FLT1: variants seen among roughly 807,000 people sequenced by gnomAD.
FLT1 encodes the protein fms related receptor tyrosine kinase 1, also known as vascular endothelial growth factor receptor 1.
FLT1 carries 49 observed loss-of-function variants against 156.3 expected under a neutral mutation model. That is an observed-to-expected ratio of 0.31 (90% CI 0.25 to 0.40). The LOEUF is 0.40. FLT1 is among the 10% of genes least tolerant of loss of function. The probability of loss-of-function intolerance (pLI) is 1.00; values close to 1 mark genes in which losing one functional copy is unlikely to be tolerated. For missense variants in FLT1, 1,322 were observed against 1,637.2 expected (o/e 0.81, Z 3.32); for synonymous variants, 594 against 583.8 (o/e 1.02, Z -0.25).
chr13:28,408,964 C>T (rs1799590077), intron 10 of FLT1, among the ~76,000 whole-genome samples: 2 of 152,142 alleles, frequency 1.3e-5, no homozygotes, highest in Admixed American at 6.5e-5. Flanking sequence ...GGACCTGAAA[C>T]AACTTAATTT....
At position 28,302,022 on chromosome 13, in the gene FLT1, T is replaced by C. The variant is rs2138799979; in HGVS notation, c.*1145A>G. ...AAAAGGAAACGTGACTGACTTCCTG[T>C]GTTTTGGGTCCCAACTGTGTTGGTG... On this transcript the variant is annotated 3_prime_UTR_variant, in exon 30 of 30. Coordinates refer to ENST00000282397, the MANE Select transcript of FLT1 (RefSeq NM_002019.4). 2 of 233,634 alleles carry C rather than the reference T, an allele frequency of 8.6e-6. No individual in the cohort carries two copies. The highest frequency in any genetic ancestry group is 2.5e-3 in the Middle Eastern group (2 of 786). The allele number at this position is 233,634 out of a possible 1,614,324, so 14.5% of individuals were successfully genotyped here.
At chr13:28,476,950 G>A (rs181209075) in intron 1 of FLT1, among the ~76,000 whole-genome samples, 22 of 152,280 alleles carry the variant, frequency 1.4e-4, no homozygotes, top group African/African-American at 5.3e-4. Flanking sequence ...CCACTGAAGT[G>A]GCCAAAGTCT....
At chr13:28,451,150 C>T (rs941505301) in intron 3 of FLT1, among the ~76,000 whole-genome samples, 18 of 152,158 alleles carry the variant, frequency 1.2e-4, no homozygotes, top group Admixed American at 8.5e-4. Flanking sequence ...TGGCCAGGCA[C>T]GGTGGCTGAC....
At chr13:28,361,368 A>G (rs1873108620) in intron 14 of FLT1, among the ~76,000 whole-genome samples, 2 of 152,190 alleles carry the variant, frequency 1.3e-5, no homozygotes. Flanking sequence ...TAGTCTTTCT[A>G]AAGTGTACTT....
intron 14 of FLT1, among the ~76,000 whole-genome samples, chr13:28,361,820 G>C (rs1873122826): frequency 6.6e-6 from 1 of 152,144 alleles, no homozygotes; most frequent in Admixed American, 6.5e-5. Flanking sequence ...TAGGTGACTG[G>C]AAAAGGTGAA....
At chr13:28,394,910 C>T (rs563007875) in intron 12 of FLT1, among the ~76,000 whole-genome samples, 1 of 152,130 alleles carries the variant, frequency 6.6e-6, no homozygotes, top group African/African-American at 2.4e-5. Context: ...GTATTCACAC[C>T]TTTGGGTCTG....
At chr13:28,474,662 G>C (rs977721010) in intron 1 of FLT1, among the ~76,000 whole-genome samples, 29 of 152,112 alleles carry the variant, frequency 1.9e-4, no homozygotes, top group Non-Finnish European at 4.3e-4. Context: ...CAGGGCTTGC[G>C]GGGAGGGGAT....
At chr13:28,460,988 G>C (rs529129709) in intron 3 of FLT1, among the ~76,000 whole-genome samples, 5 of 151,974 alleles carry the variant, frequency 3.3e-5, no homozygotes, top group African/African-American at 1.2e-4. Flanking sequence ...TTTGAGACAG[G>C]GTTTCACTAC....
In FLT1 at chr13:28,399,134, G is replaced by C. The variant is rs571394915; in HGVS notation, c.1552-2066C>G. 36 of 1,534,542 alleles carry C rather than the reference G, an allele frequency of 2.3e-5. No individual in the cohort carries two copies. In the African/African-American group the frequency reaches 4.8e-4, roughly 20 times the overall value. On this transcript the variant is annotated intron_variant, in intron 11 of 29. Transcript: ENST00000282397. ...CTGGTGGAAGCTGGAAGACAGGAGA[G>C]ATCGTCAAATACGACTCTGACTCCC...
At chr13:28,386,371 A>G in intron 13 of FLT1, 1 of 999,826 alleles carries the variant, frequency 1.0e-6, no homozygotes, top group Non-Finnish European at 1.2e-6. Context: ...TGGCAGGGTT[A>G]CTATCTGTTA....
chr13:28,386,582 C>T, intron 13 of FLT1: 1 of 1,055,562 alleles, frequency 9.5e-7, no homozygotes, highest in South Asian at 4.6e-5. Context: ...TCTTATCTTG[C>T]CCACTAAGCA....
chr13:28,377,857 A>G (rs112043408), intron 14 of FLT1, among the ~76,000 whole-genome samples: 291 of 152,326 alleles, frequency 1.9e-3, no homozygotes, highest in Middle Eastern at 3.4e-3. Flanking sequence ...TAAAGAAACC[A>G]AAGTCTTCAA....
At chr13:28,492,074 G>A (rs916299625) in intron 1 of FLT1, among the ~76,000 whole-genome samples, 4 of 151,384 alleles carry the variant, frequency 2.6e-5, no homozygotes, top group African/African-American at 9.7e-5. Flanking sequence ...ATGCAATTTA[G>A]ACCAAAAAAA....
chr13:28,381,286 G>A (rs1874069959), intron 14 of FLT1, among the ~76,000 whole-genome samples: 1 of 152,204 alleles, frequency 6.6e-6, no homozygotes, highest in African/African-American at 2.4e-5. Flanking sequence ...GCCCTGTGCG[G>A]TGGGTCACAC....
chr13:28,423,024 T>C (rs1427749489), intron 10 of FLT1, among the ~76,000 whole-genome samples: 1 of 152,220 alleles, frequency 6.6e-6, no homozygotes, highest in Non-Finnish European at 1.5e-5. Context: ...ATCAGTACTC[T>C]GGCAGAGTTC....
At position 28,301,209 on chromosome 13, in the gene FLT1, C is replaced by T. The variant is rs1870502182; in HGVS notation, c.*1958G>A. On this transcript the variant is annotated 3_prime_UTR_variant, in exon 30 of 30. Transcript: ENST00000282397. ...AAAGTAGAGAATTGACTGAGGTCTT[C>T]TTTTTTCTGTGTTTAACCTCCTTCC... 4.3e-6 allele frequency: 1 copy of T among 230,614 alleles called. No homozygotes were observed. Among genetic ancestry groups the T allele is most frequent in the Non-Finnish European group, 8.5e-6 (1 of 117,048 alleles). 14.3% of individuals were successfully genotyped at this position (230,614 alleles called of 1,614,324 possible).
rs561054355 is a variant in FLT1, at chr13:28,308,932, T to A, written c.3636-5A>T. On this transcript the variant is annotated splice_region_variant and splice_polypyrimidine_tract_variant and intron_variant, in intron 27 of 29. Coordinates refer to ENST00000282397, the MANE Select transcript of FLT1 (RefSeq NM_002019.4). ...AACTTGAAAGCATTTACGTATCTAATGAAGAAACAGAAAGAATTATCAAGA... is the reference window on the plus strand; with the variant it reads ...AACTTGAAAGCATTTACGTATCTAAAGAAGAAACAGAAAGAATTATCAAGA... 2 of 1,547,682 alleles carry A rather than the reference T, an allele frequency of 1.3e-6. No individual in the cohort carries two copies. The highest frequency in any genetic ancestry group is 2.7e-5 in the African/African-American group (2 of 74,360).
chr13:28,321,842 C>T (rs1871475023), intron 22 of FLT1, among the ~76,000 whole-genome samples: 4 of 152,246 alleles, frequency 2.6e-5, no homozygotes, highest in Non-Finnish European at 4.4e-5. Flanking sequence ...TAAGATTTAC[C>T]AGTGGGCAAA....
intron 1 of FLT1, among the ~76,000 whole-genome samples, chr13:28,493,798 C>G (rs2137681139): frequency 6.6e-6 from 1 of 152,322 alleles, no homozygotes; most frequent in East Asian, 1.9e-4. Context: ...GCTGGTAAAA[C>G]CCCCGGCCCC....
Sources: gnomAD v4.1 joint callset for allele counts (sites outside exome capture counted in the v4.1 genomes callset) on GRCh38, gnomAD v4.1.1 for gene constraint, MANE v1.5 for transcripts, NCBI Gene and HGNC (gene_info 2026-07-23, HGNC 2026-07-21) for gene names.